TCF20: variants seen among roughly 807,000 people sequenced by gnomAD.
TCF20 encodes SPRE-binding protein.
In TCF20, 3 loss-of-function variants were observed where a neutral mutation model predicts 148.6. The observed-to-expected ratio is 0.02, with a 90% CI of 0.01 to 0.05. The LOEUF is 0.05. TCF20 is among the 10% of genes least tolerant of loss of function. The probability of loss-of-function intolerance (pLI) is 1.00; values close to 1 mark genes in which losing one functional copy is unlikely to be tolerated. For synonymous variants in TCF20, 1,049 were observed against 909.5 expected (o/e 1.15, Z -2.76); for missense variants, 2,350 against 2,429.3 (o/e 0.97, Z 0.69).
chr22:42,293,915 G>A (rs1027174704), intron 1 of TCF20, among the ~76,000 whole-genome samples: 7 of 152,200 alleles, frequency 4.6e-5, no homozygotes, highest in Non-Finnish European at 1.5e-5. Context: ...CAGGAGAATC[G>A]CTTGAACCCT....
At chr22:42,246,677 G>T (rs753562326) in intron 1 of TCF20, among the ~76,000 whole-genome samples, 24 of 152,294 alleles carry the variant, frequency 1.6e-4, no homozygotes, top group Non-Finnish European at 3.4e-4. Flanking sequence ...CATTTAGAAA[G>T]GTATAATAGG....
intron 1 of TCF20, among the ~76,000 whole-genome samples, chr22:42,228,018 C>G (rs1236559353): frequency 2.0e-5 from 3 of 152,172 alleles, no homozygotes; most frequent in Non-Finnish European, 4.4e-5. Context: ...AGTGAAAGGT[C>G]TTATAAAAAG....
In TCF20 at chr22:42,299,982, G is replaced by A. The variant is rs1428929299; in HGVS notation, c.-37+43497C>T. Among the ~76,000 whole-genome samples the A allele has an allele frequency of 7.1e-5, 10 of 141,378 alleles. No individual in the cohort carries two copies. Among genetic ancestry groups the A allele is most frequent in the Admixed American group, 2.8e-4 (4 of 14,204 alleles). The allele number at this position is 141,378 out of a possible 152,430, so 92.7% of individuals were successfully genotyped here. A position where few individuals can be genotyped will look rare whatever the true frequency, so the allele number is the denominator to read the frequency against. On this transcript the variant is annotated intron_variant, in intron 1 of 1. Transcript: ENST00000515426. The surrounding 1 kb of genome is among the most constrained non-coding windows in gnomAD (Gnocchi z 4.1). ...AGGGCGGGGAGGGGGAGGGGGAGGG[G>A]CGCGCTGAAATCACCCGCAACATCA...
Position 42,214,443 on chromosome 22 carries a change from G to T in TCF20, c.863C>A (p.Ser288Tyr). The change falls in exon 2 of 6, where the codon TCC becomes TAC. Residue 288 changes from serine (S) to tyrosine (Y), a missense_variant. Ser to Tyr is a moderately radical substitution (Grantham distance 144). This residue lies in a region of TCF20 where 1,641 missense variants were observed against 1,662.6 expected (regional missense o/e 0.99). Coordinates refer to ENST00000677622, the MANE Select transcript of TCF20 (RefSeq NM_001378418.1). ...GSNAQAYGTQ[S>Y]NYSYQPQSMK... ...AGATTGAGGCTGATAGCTGTAATTG[G>T]ATTGTGTTCCATAAGCCTGTGCATT... is the stretch of plus-strand genomic sequence containing the variant. 1 of 1,614,148 alleles carries T rather than the reference G, an allele frequency of 6.2e-7. No homozygotes were observed. Among genetic ancestry groups the T allele is most frequent in the South Asian group, 1.1e-5 (1 of 91,088 alleles).
chr22:42,266,724 A>T (rs1021892701), intron 1 of TCF20, among the ~76,000 whole-genome samples: 1 of 151,980 alleles, frequency 6.6e-6, no homozygotes, highest in Admixed American at 6.6e-5. Context: ...GGTTGCAGTG[A>T]GCAGAGACTG....
intron 2 of TCF20, among the ~76,000 whole-genome samples, chr22:42,203,565 A>G (rs1158106241): frequency 6.6e-6 from 1 of 152,256 alleles, no homozygotes; most frequent in Non-Finnish European, 1.5e-5. Context: ...CTGGAAATTT[A>G]GTGTCAATGT....
At chr22:42,318,196 AACGGCTGGATCTGGCTAT>A (rs1432353081) in intron 1 of TCF20, among the ~76,000 whole-genome samples, 1 of 152,214 alleles carries the variant, frequency 6.6e-6, no homozygotes, top group Non-Finnish European at 1.5e-5. Flanking sequence ...TTGTTTGGGG[AACGGCTGGATCTGGCTAT>A]ACCTGTACCA....
chr22:42,246,314 A>T (rs2147330881), intron 1 of TCF20, among the ~76,000 whole-genome samples: 1 of 152,264 alleles, frequency 6.6e-6, no homozygotes, highest in African/African-American at 2.4e-5. Flanking sequence ...CATGTTGGCC[A>T]GGCTGGTCTT....
At chr22:42,181,978 A>C (rs1936800090) in intron 2 of TCF20, among the ~76,000 whole-genome samples, 1 of 152,186 alleles carries the variant, frequency 6.6e-6, no homozygotes, top group South Asian at 2.1e-4. Flanking sequence ...AGACAGTGGG[A>C]TCTGTGGCAG....
intron 1 of TCF20, among the ~76,000 whole-genome samples, chr22:42,306,326 C>T (rs778599458): frequency 4.6e-5 from 7 of 152,244 alleles, no homozygotes; most frequent in African/African-American, 7.2e-5. Flanking sequence ...GGGCTGCAGC[C>T]GCCCTGCCAG....
chr22:42,179,891 TA>T (rs1936688284), intron 2 of TCF20, among the ~76,000 whole-genome samples, 189 bp from the exon 3 acceptor site: 1 of 152,170 alleles, frequency 6.6e-6, no homozygotes, highest in African/African-American at 2.4e-5. Context: ...GATCCAGCAA[TA>T]ATGTTTTAGA....
Position 42,212,400 on chromosome 22 carries a change from G to A in TCF20, c.2906C>T (p.Ala969Val), listed in dbSNP as rs1921062426. 6.2e-7 allele frequency: 1 copy of A among 1,614,262 alleles called. No homozygotes were observed. The highest frequency in any genetic ancestry group is 1.1e-5 in the South Asian group (1 of 91,090). The stretch of plus-strand genomic sequence containing the variant: ...GTCTGAAAGGGAATCATGGGTTGCT[G>A]CTCCAGGGCTGGCATTGCCGCGGTA... ...ESYRGNASPG[A>V]ATHDSLSDYG... The change falls in exon 2 of 6, where the codon GCA (alanine) becomes GTA (valine). Residue 969 changes from alanine to valine, a missense_variant. Physicochemically the swap from Ala to Val is moderately conservative, Grantham distance 64. Coordinates refer to ENST00000677622, the MANE Select transcript of TCF20 (RefSeq NM_001378418.1).
chr22:42,196,566 CAAA>C (rs2147146039), intron 2 of TCF20, among the ~76,000 whole-genome samples: 1 of 152,252 alleles, frequency 6.6e-6, no homozygotes, highest in Admixed American at 6.5e-5. Flanking sequence ...TATGAAAAAA[CAAA>C]AATAACTTTC....
At chr22:42,303,291 C>T (rs1007794694) in intron 1 of TCF20, among the ~76,000 whole-genome samples, 10 of 152,248 alleles carry the variant, frequency 6.6e-5, no homozygotes, top group African/African-American at 2.4e-4. Context: ...CTTATTTAGT[C>T]TTCACCACGC....
At chr22:42,323,973 GGTGGTGGAGGTT>G (rs1927803014) in intron 1 of TCF20, among the ~76,000 whole-genome samples, 1 of 140,028 alleles carries the variant, frequency 7.1e-6, no homozygotes, top group Non-Finnish European at 1.6e-5. Flanking sequence ...TGGTGATGGT[GGTGGTGGAGGTT>G]ATGGTGGTGG....
chr22:42,313,232 G>T (rs116496603), intron 1 of TCF20, among the ~76,000 whole-genome samples: 1 of 152,138 alleles, frequency 6.6e-6, no homozygotes, highest in Admixed American at 6.5e-5. Flanking sequence ...GGATGCAGGC[G>T]AACCCCCTGG....
intron 2 of TCF20, among the ~76,000 whole-genome samples, chr22:42,199,823 C>A (rs569373955): frequency 6.8e-6 from 1 of 146,884 alleles, no homozygotes; most frequent in African/African-American, 2.5e-5. Flanking sequence ...GCACTCCAGA[C>A]TGGGCAAGAG....
chr22:42,331,546 G>T (rs1927975374), intron 1 of TCF20, among the ~76,000 whole-genome samples: 1 of 152,252 alleles, frequency 6.6e-6, no homozygotes, highest in Non-Finnish European at 1.5e-5. Context: ...GGGCAACCTT[G>T]CCTCTTCCTG....
intron 1 of TCF20, among the ~76,000 whole-genome samples, chr22:42,248,104 C>A (rs1925069691): frequency 6.6e-6 from 1 of 152,076 alleles, no homozygotes; most frequent in Non-Finnish European, 1.5e-5. Flanking sequence ...GTGAAGGAAA[C>A]AGATACAAGA....
Sources: gnomAD v4.1 joint callset for allele counts (sites outside exome capture counted in the v4.1 genomes callset) on GRCh38, gnomAD v4.1.1 for gene constraint, gnomAD v4.1.1 regional missense constraint, Gnocchi (gnomAD v3.1) non-coding constraint, MANE v1.5 for transcripts, NCBI Gene and HGNC (gene_info 2026-07-23, HGNC 2026-07-21) for gene names.